EIF4E: variants seen among roughly 807,000 people sequenced by gnomAD.
EIF4E encodes eukaryotic translation initiation factor 4E.
For synonymous variants in EIF4E, 71 were observed against 88.5 expected (o/e 0.80, Z 1.11); for missense variants, 113 against 265.6 (o/e 0.43, Z 3.99).
At chr4:98,909,876 G>A in intron 1 of EIF4E, 1 of 623,940 alleles carries the variant, frequency 1.6e-6, no homozygotes, top group Non-Finnish European at 2.9e-6. Context: ...GAGAAGGGTG[G>A]GACAGAGAGC....
intron 5 of EIF4E, among the ~76,000 whole-genome samples, chr4:98,885,788 T>C (rs1165880195): frequency 6.6e-6 from 1 of 152,102 alleles, no homozygotes; most frequent in South Asian, 2.1e-4. Flanking sequence ...AACATAAAAT[T>C]TACCATTTTA....
intron 1 of EIF4E, among the ~76,000 whole-genome samples, chr4:98,925,775 G>A (rs555999095): frequency 6.6e-6 from 1 of 152,250 alleles, no homozygotes; most frequent in East Asian, 1.9e-4. Context: ...AAACCATTAT[G>A]GAAGCTCACA....
At chr4:98,907,583 A>G (rs921942922) in intron 1 of EIF4E, among the ~76,000 whole-genome samples, 1 of 152,178 alleles carries the variant, frequency 6.6e-6, no homozygotes, top group Non-Finnish European at 1.5e-5. Flanking sequence ...TTTTCCTCTC[A>G]TAACAGAAAA....
At chr4:98,918,543 A>T (rs1725502463) in intron 1 of EIF4E, among the ~76,000 whole-genome samples, 1 of 152,070 alleles carries the variant, frequency 6.6e-6, no homozygotes, top group African/African-American at 2.4e-5. Flanking sequence ...AGGGTTTAAA[A>T]TTTTTCAATC....
At position 98,880,990 on chromosome 4, in the gene EIF4E, G is replaced by A. The variant is rs1723666359; in HGVS notation, c.*38C>T. On this transcript the variant is annotated 3_prime_UTR_variant, in exon 7 of 7. Transcript: ENST00000450253. ...TTCAGCTCCCAAATCTCGATTGCTT[G>A]ACGCAGTCTCCTATGAGAATACTCA... The A allele has an allele frequency of 6.4e-7, 1 of 1,566,872 alleles. No individual in the cohort carries two copies. The highest frequency in any genetic ancestry group is 2.0e-5 in the Admixed American group (1 of 50,558).
intron 2 of EIF4E, among the ~76,000 whole-genome samples, chr4:98,893,427 T>C (rs1435951238): frequency 6.6e-6 from 1 of 152,264 alleles, no homozygotes; most frequent in Non-Finnish European, 1.5e-5. Context: ...CTTTCAAAAT[T>C]GGAGTCAATC....
chr4:98,901,443 C>CCCGCCT (rs370074056), intron 2 of EIF4E, among the ~76,000 whole-genome samples: 33 of 152,128 alleles, frequency 2.2e-4, no homozygotes, highest in Non-Finnish European at 3.1e-4. Flanking sequence ...AGGTGATCCG[C>CCCGCCT]CCGCCTCCGC....
At chr4:98,905,007 T>C (rs1270190378) in intron 1 of EIF4E, among the ~76,000 whole-genome samples, 2 of 152,068 alleles carry the variant, frequency 1.3e-5, no homozygotes, top group African/African-American at 4.8e-5. Flanking sequence ...CTAAAAAATA[T>C]TTCAAGAAAC....
chr4:98,905,747 C>T (rs1724845306), intron 1 of EIF4E, among the ~76,000 whole-genome samples: 1 of 152,062 alleles, frequency 6.6e-6, no homozygotes, highest in African/African-American at 2.4e-5. Context: ...ATTTAGCAAA[C>T]CCAGGGCTGA....
chr4:98,889,285 G>GT (rs1410030859), intron 3 of EIF4E, among the ~76,000 whole-genome samples: 1 of 152,076 alleles, frequency 6.6e-6, no homozygotes, highest in Non-Finnish European at 1.5e-5. Context: ...CTACCTAATG[G>GT]TAACTCCCAA....
intron 1 of EIF4E, among the ~76,000 whole-genome samples, chr4:98,925,352 G>C (rs1373602466): frequency 6.6e-6 from 1 of 152,208 alleles, no homozygotes; most frequent in Non-Finnish European, 1.5e-5. Flanking sequence ...AATGAACGAT[G>C]TAGAATGAAG....
At chr4:98,905,579 T>G (rs1315068379) in intron 1 of EIF4E, among the ~76,000 whole-genome samples, 2 of 152,112 alleles carry the variant, frequency 1.3e-5, no homozygotes, top group Non-Finnish European at 2.9e-5. Flanking sequence ...CCTTTCATCT[T>G]GGGGGCAATG....
At chr4:98,896,106 G>A (rs1724369814) in intron 2 of EIF4E, among the ~76,000 whole-genome samples, 1 of 152,094 alleles carries the variant, frequency 6.6e-6, no homozygotes, top group African/African-American at 2.4e-5. Context: ...TGAGGCAGGA[G>A]AATCGCTTGA....
intron 1 of EIF4E, among the ~76,000 whole-genome samples, chr4:98,915,680 A>G (rs1260980779): frequency 5.3e-5 from 8 of 151,582 alleles, no homozygotes; most frequent in African/African-American, 1.7e-4. Context: ...AGCTGGGATT[A>G]TAGGTACCCG....
chr4:98,914,361 CAAAAAAAA>C (rs1159581783), intron 1 of EIF4E, among the ~76,000 whole-genome samples: 2 of 34,834 alleles, frequency 5.7e-5, no homozygotes, highest in African/African-American at 1.0e-4. Flanking sequence ...GACTCCGTCT[CAAAAAAAA>C]AAAAAAAAAA....
intron 1 of EIF4E, among the ~76,000 whole-genome samples, chr4:98,904,545 T>A (rs1022183054): frequency 6.6e-6 from 1 of 152,038 alleles, no homozygotes; most frequent in Non-Finnish European, 1.5e-5. Context: ...TCAAGGCAAG[T>A]GCACCACCTG....
chr4:98,916,549 T>G (rs1725391052), intron 1 of EIF4E, among the ~76,000 whole-genome samples: 1 of 152,132 alleles, frequency 6.6e-6, no homozygotes, highest in Non-Finnish European at 1.5e-5. Flanking sequence ...GAAAACAGAC[T>G]TATACTAAGG....
chr4:98,894,890 G>A (rs1345373937), intron 2 of EIF4E, among the ~76,000 whole-genome samples: 1 of 152,194 alleles, frequency 6.6e-6, no homozygotes, highest in African/African-American at 2.4e-5. Context: ...TTTAAAGTGA[G>A]AGACATGCAA....
At chr4:98,928,912 A>C (rs917421601) in intron 1 of EIF4E, 183 bp downstream of exon 1, 4 of 1,564,526 alleles carry the variant, frequency 2.6e-6, no homozygotes, top group African/African-American at 1.4e-5. Context: ...TGTGCGCTAC[A>C]CGCCGCCTCG....
Sources: allele counts gnomAD v4.1 joint callset (sites outside exome capture counted in the v4.1 genomes callset), GRCh38; gene constraint gnomAD v4.1.1; transcripts MANE v1.5; gene names NCBI Gene and HGNC (gene_info 2026-07-23, HGNC 2026-07-21).